MORF4L2: variants seen among roughly 807,000 people sequenced by gnomAD.
MORF4L2 encodes mortality factor 4 like 2.
A neutral mutation model predicts 12.0 loss-of-function variants in MORF4L2; 1 was observed. That is an observed-to-expected ratio of 0.08 (90% CI 0.03 to 0.40). The LOEUF is 0.40. Ranked by LOEUF, MORF4L2 falls within the 10% of genes least tolerant of loss-of-function variation. MORF4L2 has a pLI of 0.98. For synonymous variants in MORF4L2, 69 were observed against 81.6 expected, an observed-to-expected ratio of 0.85 and a Z score of 0.83; for missense variants, 123 against 214.0, an observed-to-expected ratio of 0.57 and a Z score of 2.65.
chrX:103,681,422 A>G (rs2073980975), intron 2 of MORF4L2, among the ~76,000 whole-genome samples: 3 of 112,148 alleles, frequency 2.7e-5, no homozygotes, highest in South Asian at 3.7e-4. Context: ...TTTGAGTCAT[A>G]TAATAGATAT....
At chrX:103,687,260 C>G (rs1331999158), upstream of MORF4L2, 1 of 111,173 alleles carries the variant, frequency 9.0e-6, no homozygotes, top group Non-Finnish European at 1.9e-5. Context: ...TCTGGGGCCA[C>G]GCCCCCAGTC....
At chrX:103,682,957 G>A (rs1603200459) in intron 2 of MORF4L2, among the ~76,000 whole-genome samples, 1 of 112,144 alleles carries the variant, frequency 8.9e-6, no homozygotes, top group African/African-American at 3.2e-5. Flanking sequence ...TCTAATATTC[G>A]TCACTGAAGA....
Position 103,675,853 on chromosome X carries a change from A to G in MORF4L2, c.*308T>C, listed in dbSNP as rs1474090280. 5.4e-6 allele frequency: 1 copy of G among 185,891 alleles called. No individual in the cohort carries two copies. The highest frequency in any genetic ancestry group is 9.8e-6 in the Non-Finnish European group (1 of 102,154). The allele number at this position is 185,891 out of a possible 1,213,427, so 15.3% of individuals were successfully genotyped here. Reference sequence around the variant, plus strand: ...GTCACATAGCATTAACACATATTAGAAAATTGTGTAGTGTCAAAGGGATAG... The same window carrying G: ...GTCACATAGCATTAACACATATTAGGAAATTGTGTAGTGTCAAAGGGATAG... On this transcript the variant is annotated 3_prime_UTR_variant, in exon 4 of 4. Transcript: ENST00000441076.
At chrX:103,687,811 C>G (rs1805178524), upstream of MORF4L2, 1 of 111,056 alleles carries the variant, frequency 9.0e-6, no homozygotes, top group African/African-American at 3.3e-5. Flanking sequence ...CAAAGGGAGG[C>G]TTCTTTCAAG....
At position 103,675,742 on chromosome X, in the gene MORF4L2, A is replaced by AT. The variant is rs1237772100; in HGVS notation, c.*418dup. On this transcript the variant is annotated 3_prime_UTR_variant, in exon 4 of 4. Coordinates refer to ENST00000441076, the MANE Select transcript of MORF4L2 (RefSeq NM_012286.3). ...GATGGGCTGTTTTACTTCAAGCACC[A>AT]TAAAAAAAAAAAAAGAGCACAAATG... 1.4e-4 allele frequency: 6 copies of AT among 42,832 alleles called. No homozygotes were observed. Among genetic ancestry groups the AT allele is most frequent in the Non-Finnish European group, 2.0e-4 (6 of 29,435 alleles). 3.5% of individuals were successfully genotyped at this position (42,832 alleles called of 1,213,427 possible).
At position 103,677,040 on chromosome X, in the gene MORF4L2, T is replaced by C. The variant is rs2073864058; in HGVS notation, c.-13A>G. 1 of 1,161,985 alleles carries C rather than the reference T, an allele frequency of 8.6e-7. No homozygotes were observed. The highest frequency in any genetic ancestry group is 1.8e-5 in the African/African-American group (1 of 54,173). On this transcript the variant is annotated 5_prime_UTR_variant, in exon 4 of 4. Transcript: ENST00000441076. The stretch of plus-strand genomic sequence containing the variant: ...TTCTGGAACTCATTCAACCCTGTTT[T>C]TATTCCAACCACTGTAATATATAAA...
At position 103,679,634 on chromosome X, in the gene MORF4L2, T is replaced by G. The variant is rs183443380; in HGVS notation, c.-177-983A>C. On this transcript the variant is annotated intron_variant, in intron 2 of 3. Transcript: ENST00000441076. ...TTAAACAGATGTCTATAAATATGCA[T>G]GGAAATATCTAGACAGATAAATATC... 5.7e-4 allele frequency among the ~76,000 whole-genome samples: 63 copies of G among 109,620 alleles called. 1 individual carries two copies. Among genetic ancestry groups the G allele is most frequent in the African/African-American group, 2.1e-3 (62 of 30,112 alleles).
At chrX:103,685,332 C>A (rs2074072990) in intron 1 of MORF4L2, 72 bp from the exon 2 acceptor site, 2 of 112,208 alleles carry the variant, frequency 1.8e-5, no homozygotes, top group African/African-American at 6.5e-5. Context: ...TCTTCTACAT[C>A]AGCCAATGCA....
At chrX:103,686,134 C>T (rs1386978809) in intron 1 of MORF4L2, among the ~76,000 whole-genome samples, 1 of 103,819 alleles carries the variant, frequency 9.6e-6, no homozygotes, top group Non-Finnish European at 2.0e-5. Flanking sequence ...TCCCCCCCCC[C>T]CCACCTTTTA....
Position 103,676,411 on chromosome X carries a change from T to C in MORF4L2, c.617A>G (p.Gln206Arg). ...GTGAGCCAAGAGGATTTCAGCATAC[T>C]GGGGCCTCTCAAATTTGTAGAGCAG... ...TQLLYKFERP[Q>R]YAEILLAHPD... is the part of the protein sequence containing the mutation. The change falls in exon 4 of 4, where the codon CAG (glutamine) becomes CGG (arginine). Residue 206 changes from glutamine to arginine, a missense_variant. Physicochemically the swap from Gln to Arg is conservative, Grantham distance 43. Coordinates refer to ENST00000441076, the MANE Select transcript of MORF4L2 (RefSeq NM_012286.3). The C allele has an allele frequency of 8.3e-7, 1 of 1,211,963 alleles. No homozygotes were observed. Among genetic ancestry groups the C allele is most frequent in the Non-Finnish European group, 1.1e-6 (1 of 895,566 alleles).
chrX:103,679,016 C>T (rs2073913721), intron 2 of MORF4L2, among the ~76,000 whole-genome samples: 2 of 112,145 alleles, frequency 1.8e-5, no homozygotes, highest in African/African-American at 3.3e-5. Context: ...GTTTGCAATA[C>T]TGAAGAACTG....
intron 2 of MORF4L2, among the ~76,000 whole-genome samples, chrX:103,679,860 C>A (rs58176776): frequency 0.21 from 10,121 of 47,446 alleles, 1,235 homozygotes; most frequent in South Asian, 0.4. Flanking sequence ...CACCTGTGGG[C>A]AAAAAAAAAA....
intron 2 of MORF4L2, among the ~76,000 whole-genome samples, chrX:103,680,783 A>C (rs2147680996): frequency 8.9e-6 from 1 of 112,338 alleles, no homozygotes; most frequent in African/African-American, 3.2e-5. Context: ...TATTTTAAAC[A>C]TTTCTTTGCA....
chrX:103,680,612 T>C (rs1468042221), intron 2 of MORF4L2, among the ~76,000 whole-genome samples: 2 of 112,762 alleles, frequency 1.8e-5, no homozygotes, highest in Non-Finnish European at 3.7e-5. Context: ...ACAGGTTGAG[T>C]ATTCCTTATC....
rs186132128 is a variant in MORF4L2, at chrX:103,678,671, T to A, written c.-177-20A>T. On this transcript the variant is annotated intron_variant, in intron 2 of 3. Transcript: ENST00000441076. ...AATCATCTAAGAAAAAGAAAAAAAATGAGTAATTTATAAACATGTGGTTTA... is the reference window on the plus strand; with the variant it reads ...AATCATCTAAGAAAAAGAAAAAAAAAGAGTAATTTATAAACATGTGGTTTA... 275 of 112,193 alleles carry A rather than the reference T, an allele frequency of 2.5e-3. 1 individual carries two copies. Among genetic ancestry groups the A allele is most frequent in the African/African-American group, 8.5e-3 (263 of 30,890 alleles). The allele number at this position is 112,193 out of a possible 1,213,427, so 9.2% of individuals were successfully genotyped here. A position where few individuals can be genotyped will look rare whatever the true frequency, so the allele number is the denominator to read the frequency against.
At chrX:103,681,771 A>C (rs2073990660) in intron 2 of MORF4L2, among the ~76,000 whole-genome samples, 1 of 111,774 alleles carries the variant, frequency 8.9e-6, no homozygotes, top group Non-Finnish European at 1.9e-5. Flanking sequence ...TTTAAGTTTA[A>C]AAATTAAGAA....
At chrX:103,685,465 GTTT>G (rs898337230) in intron 1 of MORF4L2, 1 of 111,781 alleles carries the variant, frequency 8.9e-6, no homozygotes, top group Admixed American at 9.5e-5. Context: ...TGACAAATTT[GTTT>G]TTTAACTTTC....
intron 2 of MORF4L2, among the ~76,000 whole-genome samples, chrX:103,683,950 G>A (rs923123864): frequency 9.0e-6 from 1 of 111,331 alleles, no homozygotes; most frequent in East Asian, 2.8e-4. Flanking sequence ...TGTGCCTACC[G>A]ATCTAATGCA....
In MORF4L2 at chrX:103,677,200, A is replaced by AT. The variant is rs1291213380; in HGVS notation, c.-24-150dup. The AT allele has an allele frequency of 1.0e-5, 4 of 394,849 alleles. No homozygotes were observed. The Admixed American group carries it at 2.3e-4, about 23-fold the overall frequency. The allele number at this position is 394,849 out of a possible 1,213,427, so 32.5% of individuals were successfully genotyped here. On this transcript the variant is annotated intron_variant, in intron 3 of 3. Transcript: ENST00000441076. The stretch of plus-strand genomic sequence containing the variant: ...CAGGACCCTTTATAAGTGATTTTTT[A>AT]TTTTTTTACCTCCTTTCCCTCTCTC...
Sources: allele counts gnomAD v4.1 joint callset (sites outside exome capture counted in the v4.1 genomes callset), GRCh38; gene constraint gnomAD v4.1.1; transcripts MANE v1.5; gene names NCBI Gene and HGNC (gene_info 2026-07-23, HGNC 2026-07-21).